Variants in ERICH5 observed in about 807,000 individuals in gnomAD.
ERICH5 encodes glutamate rich 5.
A neutral mutation model predicts 28.0 loss-of-function variants in ERICH5; 24 were observed. The ratio of observed to expected loss-of-function variants is 0.86; its 90% CI spans 0.62 to 1.21. The LOEUF (loss-of-function observed/expected upper bound fraction) is 1.21. Ranked by LOEUF, ERICH5 falls within the 50% of genes most tolerant of loss-of-function variation. The probability of loss-of-function intolerance (pLI) is 0.00; values close to 1 mark genes in which losing one functional copy is unlikely to be tolerated. For missense variants in ERICH5, 421 were observed against 441.2 expected, an observed-to-expected ratio of 0.95 and a Z score of 0.41; for synonymous variants, 163 against 157.6, an observed-to-expected ratio of 1.03 and a Z score of -0.25.
intron 1 of ERICH5, among the ~76,000 whole-genome samples, chr8:98,088,342 G>C (rs1212233494): frequency 1.3e-5 from 2 of 152,162 alleles, no homozygotes; most frequent in African/African-American, 4.8e-5. Context: ...GGAGAGAAGA[G>C]AGATTCACTG....
rs931794962 is a variant in ERICH5, at chr8:98,089,314, G to T, written c.297G>T (p.Gly99=). Residue 99 remains glycine (G), a synonymous_variant, in exon 2 of 3, where the codon GGG becomes GGT. Transcript: ENST00000318528. ...GAAGGGATGCCACAGACCAATCAGG[G>T]TCCACAGAAAAGACTCAGCCTGGAG... ...APGRDATDQS[G]STEKTQPGEG... 2.5e-6 allele frequency: 4 copies of T among 1,614,238 alleles called. No individual in the cohort carries two copies. The highest frequency in any genetic ancestry group is 3.3e-4 in the Middle Eastern group (2 of 6,062).
Sources: gnomAD v4.1 joint callset for allele counts (sites outside exome capture counted in the v4.1 genomes callset) on GRCh38, gnomAD v4.1.1 for gene constraint, MANE v1.5 for transcripts, NCBI Gene and HGNC (gene_info 2026-07-23, HGNC 2026-07-21) for gene names.